CHN1: variants seen among roughly 807,000 people sequenced by gnomAD.
The protein encoded by CHN1 is N-chimaerin.
Under a neutral mutation model 59.5 loss-of-function variants are expected in CHN1, and 37 were observed. That is an observed-to-expected ratio of 0.62 (90% CI 0.48 to 0.82). CHN1 has a LOEUF of 0.82. Among genes scored for constraint, CHN1 ranks in the 40% least tolerant of loss-of-function variants. CHN1 has a pLI of 0.00. For synonymous variants in CHN1, 206 were observed against 200.4 expected (o/e 1.03, Z -0.24); for missense variants, 469 against 571.0 (o/e 0.82, Z 1.82).
At chr2:174,883,949 C>A (rs1271608109) in intron 5 of CHN1, among the ~76,000 whole-genome samples, 1 of 149,290 alleles carries the variant, frequency 6.7e-6, no homozygotes, top group Non-Finnish European at 1.5e-5. Context: ...GAGAATCAAT[C>A]CAGAAAGTCT....
At chr2:174,954,992 T>A (rs185826618) in intron 1 of CHN1, among the ~76,000 whole-genome samples, 1 of 151,990 alleles carries the variant, frequency 6.6e-6, no homozygotes, top group African/African-American at 2.4e-5. Flanking sequence ...TGCACACGCA[T>A]GTTTATAGCA....
At chr2:175,003,564 C>CA (rs1314674121) in intron 1 of CHN1, among the ~76,000 whole-genome samples, 3 of 152,060 alleles carry the variant, frequency 2.0e-5, no homozygotes, top group Non-Finnish European at 1.5e-5. Flanking sequence ...ATGTTTGTAC[C>CA]AAAAAGGTCC....
At chr2:174,948,620 A>G (rs1689921030) in intron 2 of CHN1, among the ~76,000 whole-genome samples, 1 of 152,206 alleles carries the variant, frequency 6.6e-6, no homozygotes, top group African/African-American at 2.4e-5. Context: ...CAAATTGTGA[A>G]ATGCTGTTCA....
At chr2:174,860,091 T>C (rs964979631) in intron 6 of CHN1, among the ~76,000 whole-genome samples, 3 of 152,206 alleles carry the variant, frequency 2.0e-5, no homozygotes, top group African/African-American at 7.2e-5. Context: ...CATGCCTTTT[T>C]GTTTTTGTTA....
chr2:174,836,393 G>C (rs942534701), intron 7 of CHN1, among the ~76,000 whole-genome samples: 22 of 152,090 alleles, frequency 1.4e-4, no homozygotes, highest in Non-Finnish European at 2.9e-4. Context: ...CTACTGATTC[G>C]TTCATGTGAA....
At chr2:174,989,385 A>G (rs747681290) in intron 1 of CHN1, among the ~76,000 whole-genome samples, 2 of 151,966 alleles carry the variant, frequency 1.3e-5, no homozygotes, top group African/African-American at 4.8e-5. Context: ...CAAAAAAAAG[A>G]AAAAAAAGAT....
chr2:174,966,348 C>T (rs945226509), intron 1 of CHN1, among the ~76,000 whole-genome samples: 2 of 150,580 alleles, frequency 1.3e-5, no homozygotes, highest in African/African-American at 4.9e-5. Context: ...AAAAAAAAAA[C>T]AAACACTTCT....
At chr2:174,952,988 A>G (rs1265611548) in intron 1 of CHN1, among the ~76,000 whole-genome samples, 1 of 152,224 alleles carries the variant, frequency 6.6e-6, no homozygotes, top group Non-Finnish European at 1.5e-5. Context: ...TCAGTAAAGC[A>G]TAGCTGGGGA....
intron 5 of CHN1, among the ~76,000 whole-genome samples, chr2:174,884,390 C>T (rs886434355): frequency 1.3e-5 from 2 of 150,838 alleles, no homozygotes; most frequent in Non-Finnish European, 3.0e-5. Flanking sequence ...TGGATGAAAA[C>T]AGACCTACAC....
At chr2:174,935,893 A>C in intron 3 of CHN1, among the ~76,000 whole-genome samples, 1 of 152,202 alleles carries the variant, frequency 6.6e-6, no homozygotes, top group Non-Finnish European at 1.5e-5. Context: ...AAATTGGGCC[A>C]CTGCACTCCA....
intron 5 of CHN1, among the ~76,000 whole-genome samples, chr2:174,913,038 G>A (rs1040455729): frequency 8.5e-5 from 13 of 152,206 alleles, no homozygotes; most frequent in Non-Finnish European, 1.5e-4. Flanking sequence ...GCAGGAATGA[G>A]AAAGAGATAT....
intron 11 of CHN1, among the ~76,000 whole-genome samples, chr2:174,806,716 A>T (rs142869293): frequency 8.5e-5 from 13 of 152,324 alleles, no homozygotes; most frequent in African/African-American, 3.1e-4. Flanking sequence ...AGTGCTCGGC[A>T]GGATTCATGG....
chr2:174,947,507 C>T (rs1689880782), intron 2 of CHN1, among the ~76,000 whole-genome samples: 1 of 137,272 alleles, frequency 7.3e-6, no homozygotes, highest in Non-Finnish European at 1.5e-5. Flanking sequence ...TTTTTTGAGA[C>T]AGTGTCTCAC....
chr2:174,820,936 G>A (rs535036272), intron 8 of CHN1, among the ~76,000 whole-genome samples: 11 of 152,158 alleles, frequency 7.2e-5, no homozygotes, highest in Non-Finnish European at 1.5e-4. Context: ...TTTTGCCTCG[G>A]TGGATTTTGA....
At position 174,987,724 on chromosome 2, in the gene CHN1, G is replaced by A. The variant is rs773056299; in HGVS notation, c.19+17170C>T. On this transcript the variant is annotated intron_variant, in intron 1 of 12. Transcript: ENST00000409900. ...GCTGGGATTATAAGCATGAGCCACC[G>A]TGCTTGGCAGGTTATAATATTCTTT... Among the ~76,000 whole-genome samples the A allele has an allele frequency of 4.3e-4, 65 of 152,104 alleles. 1 individual carries two copies. Among genetic ancestry groups the A allele is most frequent in the Admixed American group, 7.9e-4 (12 of 15,264 alleles).
chr2:174,806,932 T>G (rs1317437230), intron 11 of CHN1, among the ~76,000 whole-genome samples: 1 of 152,210 alleles, frequency 6.6e-6, no homozygotes, highest in East Asian at 1.9e-4. Flanking sequence ...TATGCCAGGG[T>G]TTTTGGTGTC....
chr2:174,879,861 G>A (rs749722654), intron 5 of CHN1, among the ~76,000 whole-genome samples: 7 of 152,256 alleles, frequency 4.6e-5, no homozygotes, highest in African/African-American at 1.7e-4. Context: ...AAGCAATGGT[G>A]TCAGTCATTT....
At chr2:174,947,487 AT>A (rs71031076) in intron 2 of CHN1, among the ~76,000 whole-genome samples, 2,013 of 135,598 alleles carry the variant, frequency 0.015, 21 homozygotes, top group African/African-American at 0.048. Flanking sequence ...TTTTTTTTTA[AT>A]TTTTTTTTTT....
At chr2:174,871,715 G>C (rs757292479) in intron 6 of CHN1, among the ~76,000 whole-genome samples, 95 of 152,148 alleles carry the variant, frequency 6.2e-4, no homozygotes, top group Admixed American at 1.1e-3. Context: ...ATAATATACA[G>C]ATGATAAAGG....
Sources: gnomAD v4.1 joint callset for allele counts (sites outside exome capture counted in the v4.1 genomes callset) on GRCh38, gnomAD v4.1.1 for gene constraint, MANE v1.5 for transcripts, NCBI Gene and HGNC (gene_info 2026-07-23, HGNC 2026-07-21) for gene names.